Variants in PDCD2L observed in about 807,000 individuals in gnomAD.
PDCD2L encodes the protein programmed cell death 2 like.
A neutral mutation model predicts 40.4 loss-of-function variants in PDCD2L; 44 were observed. The observed-to-expected ratio is 1.09, with a 90% confidence interval of 0.86 to 1.40. PDCD2L has a LOEUF of 1.40. Ranked by LOEUF, PDCD2L falls within the 40% of genes most tolerant of loss-of-function variation. The probability of loss-of-function intolerance (pLI) is 0.00; values close to 1 mark genes in which losing one functional copy is unlikely to be tolerated. For synonymous variants in PDCD2L, 194 were observed against 174.6 expected (o/e 1.11, Z -0.88); for missense variants, 470 against 453.7 (o/e 1.04, Z -0.33).
In PDCD2L at chr19:34,404,975, G is replaced by C. The variant is rs755300332; in HGVS notation, c.321G>C (p.Glu107Asp). The C allele has an allele frequency of 4.3e-6, 7 of 1,614,188 alleles. No individual in the cohort carries two copies. In the South Asian group the frequency reaches 7.7e-5, roughly 18 times the overall value. ...AGTGCCTGCAGGTGCCAGAGAGAGA[G>C]GCGCAGGACGCTCAGGTAAAGGTTG... Reference protein sequence around the residue: ...RSQCLQVPEREAQDAQKQGNS... With the variant: ...RSQCLQVPERDAQDAQKQGNS... Residue 107 changes from glutamate (E) to aspartate (D), a missense_variant, in exon 3 of 7, where the codon GAG (glutamate) becomes GAC (aspartate). Glu to Asp is a conservative substitution (Grantham distance 45). Coordinates refer to ENST00000246535, the MANE Select transcript of PDCD2L (RefSeq NM_032346.2).
chr19:34,405,615 A>G (rs1023385660), intron 3 of PDCD2L, among the ~76,000 whole-genome samples: 26 of 149,320 alleles, frequency 1.7e-4, no homozygotes, highest in African/African-American at 6.4e-4. Context: ...GAAGTTGGAG[A>G]CCAGGCTGGG....
rs73582686 is a variant in PDCD2L at position 34,423,035 on chromosome 19, G to A, written c.946+1368G>A. ...GCCTGGCCTGGACTTTTGGTAATAG[G>A]TTCTTTACCTAAGAGGCCCAAGTTT... On this transcript the variant is annotated intron_variant, in intron 6 of 6. Coordinates refer to ENST00000246535, the MANE Select transcript of PDCD2L (RefSeq NM_032346.2). 8.5e-3 allele frequency among the ~76,000 whole-genome samples: 1,291 copies of A among 152,102 alleles called. 18 individuals are homozygous for A. Among genetic ancestry groups the A allele is most frequent in the African/African-American group, 0.029 (1,204 of 41,506 alleles).
At chr19:34,417,187 CTTCATAAGAAT>C (rs1213662690) in intron 5 of PDCD2L, among the ~76,000 whole-genome samples, 2 of 152,194 alleles carry the variant, frequency 1.3e-5, no homozygotes, top group South Asian at 2.1e-4. Flanking sequence ...TGTATAAGAA[CTTCATAAGAAT>C]GGATTCCATA....
intron 3 of PDCD2L, among the ~76,000 whole-genome samples, chr19:34,408,682 G>T (rs540097129): frequency 6.6e-6 from 1 of 152,180 alleles, no homozygotes; most frequent in Admixed American, 6.5e-5. Context: ...CTTTGCCACC[G>T]AACCGTTGGC....
At chr19:34,405,416 G>C (rs1237180943) in intron 3 of PDCD2L, among the ~76,000 whole-genome samples, 1 of 151,256 alleles carries the variant, frequency 6.6e-6, no homozygotes, top group Non-Finnish European at 1.5e-5. Context: ...AAAGTGCTGG[G>C]ATTACAGGCA....
intron 3 of PDCD2L, among the ~76,000 whole-genome samples, chr19:34,407,504 T>A (rs975479834): frequency 3.9e-5 from 6 of 152,232 alleles, no homozygotes; most frequent in African/African-American, 1.4e-4. Context: ...ATTCCACATA[T>A]AAGTGAATAC....
At chr19:34,418,244 C>G (rs1369699612) in intron 5 of PDCD2L, among the ~76,000 whole-genome samples, 40 of 152,210 alleles carry the variant, frequency 2.6e-4, no homozygotes, top group Non-Finnish European at 1.8e-4. Flanking sequence ...ACATATTCCT[C>G]TCTGCCAGGA....
intron 5 of PDCD2L, 63 bp from the exon 6 acceptor site, chr19:34,421,456 C>G (rs572506675): frequency 2.1e-5 from 34 of 1,582,436 alleles, no homozygotes; most frequent in Non-Finnish European, 2.6e-5. Context: ...CAAAGCATGG[C>G]CTTAGATGCT....
intron 3 of PDCD2L, among the ~76,000 whole-genome samples, 156 bp downstream of exon 3, chr19:34,405,146 T>TTG (rs1423983521): frequency 6.8e-6 from 1 of 146,340 alleles, no homozygotes; most frequent in East Asian, 2.1e-4. Context: ...TCGTAAAGTT[T>TTG]TTTTTTTTTT....
chr19:34,404,965 CAG>C lies in PDCD2L; in HGVS notation c.320_321del (p.Glu107GlyfsTer14), dbSNP rs767164204. 3 of 1,614,074 alleles carry C rather than the reference CAG, an allele frequency of 1.9e-6. No homozygotes were observed. Among genetic ancestry groups the C allele is most frequent in the Non-Finnish European group, 2.5e-6 (3 of 1,180,014 alleles). The stretch of plus-strand genomic sequence containing the variant: ...TTCCGCTCCCAGTGCCTGCAGGTGC[CAG>C]AGAGAGAGGCGCAGGACGCTCAGGT... On this transcript the variant is annotated frameshift_variant, in exon 3 of 7. Coordinates refer to ENST00000246535, the MANE Select transcript of PDCD2L (RefSeq NM_032346.2). LOFTEE classifies it high-confidence loss of function.
At position 34,404,984 on chromosome 19, in the gene PDCD2L, C is replaced by T; in HGVS notation, c.330C>T (p.Asp110=). The T allele has an allele frequency of 3.1e-6, 5 of 1,614,088 alleles. No individual in the cohort carries two copies. The highest frequency in any genetic ancestry group is 4.2e-6 in the Non-Finnish European group (5 of 1,180,012). Residue 110 remains aspartate (D), a synonymous_variant, in exon 3 of 7, where the codon GAC becomes GAT. Transcript: ENST00000246535. ...CLQVPEREAQ[D]AQKQGNSLAA... ...AGGTGCCAGAGAGAGAGGCGCAGGACGCTCAGGTAAAGGTTGTGATTGGCA... is the reference window on the plus strand; with the variant it reads ...AGGTGCCAGAGAGAGAGGCGCAGGATGCTCAGGTAAAGGTTGTGATTGGCA...
At chr19:34,413,054 T>C (rs2075111463) in intron 4 of PDCD2L, among the ~76,000 whole-genome samples, 1 of 150,646 alleles carries the variant, frequency 6.6e-6, no homozygotes, top group South Asian at 2.1e-4. Context: ...AAATTTTTTT[T>C]TGAGACGGAG....
At chr19:34,410,746 A>T (rs2075098270) in intron 4 of PDCD2L, among the ~76,000 whole-genome samples, 1 of 122,118 alleles carries the variant, frequency 8.2e-6, no homozygotes, top group African/African-American at 2.9e-5. Context: ...ATTGATGGTT[A>T]TAAGGACTTT....
rs1276818417 is a variant in PDCD2L at position 34,413,724 on chromosome 19, C to T, written c.687-13C>T. 3 of 1,412,168 alleles carry T rather than the reference C, an allele frequency of 2.1e-6. No homozygotes were observed. Among genetic ancestry groups the T allele is most frequent in the African/African-American group, 2.9e-5 (2 of 69,856 alleles). The allele number at this position is 1,412,168 out of a possible 1,614,324, so 87.5% of individuals were successfully genotyped here. On this transcript the variant is annotated splice_polypyrimidine_tract_variant and intron_variant, in intron 4 of 6. Coordinates refer to ENST00000246535, the MANE Select transcript of PDCD2L (RefSeq NM_032346.2). ...TATAGACATTCAAAAGTGTTTTCTG[C>T]TTCTGTTTTTAGCCTTCCTAATGAT...
chr19:34,413,487 C>A (rs2075113492), intron 4 of PDCD2L, among the ~76,000 whole-genome samples: 1 of 151,858 alleles, frequency 6.6e-6, no homozygotes, highest in Non-Finnish European at 1.5e-5. Context: ...TAGGCGCAAG[C>A]CACCATGCCC....
chr19:34,414,474 C>CTTTTTT (rs35413401), intron 5 of PDCD2L, among the ~76,000 whole-genome samples: 7 of 39,790 alleles, frequency 1.8e-4, no homozygotes, highest in East Asian at 6.7e-4. Context: ...CCATGCCTGG[C>CTTTTTT]TTTTTTTTTT....
intron 6 of PDCD2L, among the ~76,000 whole-genome samples, chr19:34,422,679 G>A (rs979553639): frequency 2.6e-5 from 4 of 151,382 alleles, no homozygotes; most frequent in African/African-American, 9.7e-5. Flanking sequence ...CAGAAGGAAT[G>A]TTAAGTATAA....
At chr19:34,425,517 G>T (rs996858346) in intron 6 of PDCD2L, among the ~76,000 whole-genome samples, 1 of 150,876 alleles carries the variant, frequency 6.6e-6, no homozygotes, top group South Asian at 2.1e-4. Context: ...GGCTATATGA[G>T]ATATATATAT....
chr19:34,405,092 C>G, intron 3 of PDCD2L, 102 bp downstream of exon 3: 1 of 1,190,812 alleles, frequency 8.4e-7, no homozygotes, highest in Non-Finnish European at 1.2e-6. Flanking sequence ...TTGAAGTACA[C>G]TGGAGTGTTT....
Sources: allele counts gnomAD v4.1 joint callset (sites outside exome capture counted in the v4.1 genomes callset), GRCh38; gene constraint gnomAD v4.1.1; transcripts MANE v1.5; gene names NCBI Gene and HGNC (gene_info 2026-07-23, HGNC 2026-07-21).